The following CDC34 variants were observed in gnomAD, a reference collection of about 807,000 sequenced individuals.
The protein encoded by CDC34 is cell division cycle 34, ubiquitin conjugating enzyme.
In CDC34, 18 loss-of-function variants were observed where a neutral mutation model predicts 26.8. That is an observed-to-expected ratio of 0.67 (90% confidence interval 0.47 to 1.00). CDC34 has a LOEUF of 1.00. Ranked by LOEUF, CDC34 falls within the 50% of genes least tolerant of loss-of-function variation. The pLI is 0.00. For synonymous variants in CDC34, 178 were observed against 147.5 expected, an observed-to-expected ratio of 1.21 and a Z score of -1.50; for missense variants, 280 against 334.5, an observed-to-expected ratio of 0.84 and a Z score of 1.27.
intron 4 of CDC34, among the ~76,000 whole-genome samples, chr19:537,828 G>A (rs1979831510): frequency 6.7e-6 from 1 of 149,588 alleles, no homozygotes; most frequent in African/African-American, 2.5e-5. Flanking sequence ...GCTAATTTTT[G>A]TAATTTTTAG....
intron 1 of CDC34, among the ~76,000 whole-genome samples, chr19:535,271 C>G (rs1979687582): frequency 6.6e-6 from 1 of 152,256 alleles, no homozygotes; most frequent in Non-Finnish European, 1.5e-5. Context: ...CCTGACCCCC[C>G]AAGACCGGAC....
chr19:532,226 G>T, intron 1 of CDC34, 118 bp downstream of exon 1: 2 of 770,664 alleles, frequency 2.6e-6, no homozygotes, highest in Non-Finnish European at 3.8e-6. Flanking sequence ...AAGCCTCCTG[G>T]CTTGGGCTCG....
At chr19:535,310 A>C (rs1247193619) in intron 1 of CDC34, among the ~76,000 whole-genome samples, 1 of 152,234 alleles carries the variant, frequency 6.6e-6, no homozygotes, top group African/African-American at 2.4e-5. Flanking sequence ...ATACTGACTC[A>C]TCCCCTCCCA....
chr19:540,051 T>G (rs1979943711), intron 4 of CDC34, among the ~76,000 whole-genome samples: 1 of 123,238 alleles, frequency 8.1e-6, no homozygotes, highest in Non-Finnish European at 1.7e-5. Flanking sequence ...GCCCCCCACG[T>G]TTAGAATCCG....
At chr19:537,341 T>G (rs1345078411) in intron 4 of CDC34, among the ~76,000 whole-genome samples, 194 bp downstream of exon 4, 1 of 152,054 alleles carries the variant, frequency 6.6e-6, no homozygotes, top group Non-Finnish European at 1.5e-5. Context: ...AAGCCCAGCT[T>G]CTTGCCCCTT....
chr19:538,810 C>T lies in CDC34; in HGVS notation c.497+1663C>T. 4.1e-6 allele frequency: 4 copies of T among 985,248 alleles called. No homozygotes were observed. The South Asian group carries it at 1.9e-4, about 46-fold the overall frequency. The allele number at this position is 985,248 out of a possible 1,614,324, so 61.0% of individuals were successfully genotyped here. On this transcript the variant is annotated intron_variant, in intron 4 of 4. Transcript: ENST00000215574. Reference sequence around the variant, plus strand: ...GCCATGGTGGGCGGGCCCCGTGCGGCCTCCTGGGAAGTGGCCTGCAAGCAC... The same window carrying T: ...GCCATGGTGGGCGGGCCCCGTGCGGTCTCCTGGGAAGTGGCCTGCAAGCAC...
intron 4 of CDC34, among the ~76,000 whole-genome samples, chr19:537,764 T>TC (rs979039223): frequency 6.8e-6 from 1 of 147,488 alleles, no homozygotes; most frequent in Non-Finnish European, 1.5e-5. Context: ...GGAGCAGTTC[T>TC]CCCCCTTCAT....
intron 3 of CDC34, 110 bp downstream of exon 3, chr19:536,450 C>T: frequency 1.2e-6 from 1 of 826,554 alleles, no homozygotes; most frequent in South Asian, 1.7e-5. Context: ...GGCTGTGGCG[C>T]CAAGGCCTGA....
chr19:534,168 C>G (rs1189362065), intron 1 of CDC34, among the ~76,000 whole-genome samples: 1 of 152,176 alleles, frequency 6.6e-6, no homozygotes, highest in African/African-American at 2.4e-5. Context: ...AACCCAGCAC[C>G]AGGCTTGGGG....
At chr19:537,736 G>A (rs1449789708) in intron 4 of CDC34, among the ~76,000 whole-genome samples, 2 of 140,766 alleles carry the variant, frequency 1.4e-5, no homozygotes, top group Non-Finnish European at 1.5e-5. Flanking sequence ...GCTCACTGCA[G>A]CCTCCACTAC....
intron 2 of CDC34, 102 bp from the exon 3 acceptor site, chr19:536,141 G>A: frequency 2.0e-6 from 2 of 998,684 alleles, no homozygotes. Flanking sequence ...GGCGCTGGGA[G>A]CCTCACGTCC....
At chr19:538,081 G>C (rs1342969021) in intron 4 of CDC34, among the ~76,000 whole-genome samples, 1 of 151,826 alleles carries the variant, frequency 6.6e-6, no homozygotes, top group Non-Finnish European at 1.5e-5. Flanking sequence ...ATGTGTCTGT[G>C]CCTTAATGAA....
rs899317009 is a variant in CDC34, at chr19:541,668, G to C, written c.*116G>C. Reference sequence around the variant, plus strand: ...GGTCCCCGTCTCCTCTGGTTGTTTCGTTTTGGCTTTTTCTCCCTCCCCATG... The same window carrying C: ...GGTCCCCGTCTCCTCTGGTTGTTTCCTTTTGGCTTTTTCTCCCTCCCCATG... On this transcript the variant is annotated 3_prime_UTR_variant, in exon 5 of 5. Transcript: ENST00000215574. The C allele has an allele frequency of 1.6e-6, 2 of 1,279,040 alleles. No individual in the cohort carries two copies. The highest frequency in any genetic ancestry group is 5.4e-5 in the East Asian group (2 of 37,248). 79.2% of individuals were successfully genotyped at this position (1,279,040 alleles called of 1,614,324 possible).
intron 4 of CDC34, chr19:538,969 C>T: frequency 1.0e-6 from 1 of 985,358 alleles, no homozygotes. Context: ...CCGGCCACCT[C>T]CCTGAGGCAC....
At chr19:539,791 T>C (rs1230017134) in intron 4 of CDC34, among the ~76,000 whole-genome samples, 2 of 152,192 alleles carry the variant, frequency 1.3e-5, no homozygotes, top group African/African-American at 2.4e-5. Flanking sequence ...GCCCCTTTGC[T>C]TCCAGTCCTG....
At position 541,599 on chromosome 19, in the gene CDC34, C is replaced by T. The variant is rs191947256; in HGVS notation, c.*47C>T. The T allele has an allele frequency of 1.2e-5, 18 of 1,512,826 alleles. No individual in the cohort carries two copies. Among genetic ancestry groups the T allele is most frequent in the Middle Eastern group, 1.8e-4 (1 of 5,622 alleles). 93.7% of individuals were successfully genotyped at this position (1,512,826 alleles called of 1,614,324 possible). A position where few individuals can be genotyped will look rare whatever the true frequency, so the allele number is the denominator to read the frequency against. ...GAGTTTACCTCACTAGGGCCGGACC[C>T]GTGGCTCCTTAGACGACAGACTACC... On this transcript the variant is annotated 3_prime_UTR_variant, in exon 5 of 5. Coordinates refer to ENST00000215574, the MANE Select transcript of CDC34 (RefSeq NM_004359.2).
In CDC34 at chr19:536,371, A is replaced by G. The variant is rs1267079924; in HGVS notation, c.362+31A>G. ...CCGGCCCAACCCCCTGTGTCCACCC[A>G]GAACATCAGGTAGGCCGGGCTCCGT... On this transcript the variant is annotated intron_variant, in intron 3 of 4. Coordinates refer to ENST00000215574, the MANE Select transcript of CDC34 (RefSeq NM_004359.2). 3 of 1,527,532 alleles carry G rather than the reference A, an allele frequency of 2.0e-6. No individual in the cohort carries two copies. The South Asian group carries it at 3.4e-5, about 17-fold the overall frequency. The allele number at this position is 1,527,532 out of a possible 1,614,324, so 94.6% of individuals were successfully genotyped here. A position where few individuals can be genotyped will look rare whatever the true frequency, so the allele number is the denominator to read the frequency against.
At chr19:532,304 C>A (rs938389879) in intron 1 of CDC34, among the ~76,000 whole-genome samples, 196 bp downstream of exon 1, 2 of 152,232 alleles carry the variant, frequency 1.3e-5, no homozygotes, top group Non-Finnish European at 1.5e-5. Flanking sequence ...GTCTCGGGGA[C>A]CTTCAGCCTC....
intron 1 of CDC34, among the ~76,000 whole-genome samples, chr19:532,522 G>C (rs1010974994): frequency 3.3e-5 from 5 of 152,198 alleles, no homozygotes; most frequent in Non-Finnish European, 7.3e-5. Context: ...AGGCCGCGCC[G>C]GCCTTTCAGC....
Sources: gnomAD v4.1 joint callset for allele counts (sites outside exome capture counted in the v4.1 genomes callset) on GRCh38, gnomAD v4.1.1 for gene constraint, MANE v1.5 for transcripts, NCBI Gene and HGNC (gene_info 2026-07-23, HGNC 2026-07-21) for gene names.